Variants in GLCE observed in about 807,000 individuals in gnomAD.
GLCE encodes glucuronic acid epimerase.
Under a neutral mutation model 47.9 loss-of-function variants are expected in GLCE, and 19 were observed. The ratio of observed to expected loss-of-function variants is 0.40; its 90% CI spans 0.28 to 0.58. The LOEUF (loss-of-function observed/expected upper bound fraction) is 0.58. Among genes scored for constraint, GLCE ranks in the 20% least tolerant of loss-of-function variants. The pLI, the probability that GLCE is intolerant of heterozygous loss-of-function variation, is 0.48. For missense variants in GLCE, 556 were observed against 743.3 expected (o/e 0.75, Z 2.93); for synonymous variants, 245 against 263.4 (o/e 0.93, Z 0.68).
chr15:69,192,324 G>A (rs1392717838), intron 1 of GLCE, among the ~76,000 whole-genome samples: 2 of 151,572 alleles, frequency 1.3e-5, no homozygotes, highest in Non-Finnish European at 2.9e-5. Context: ...ACTTTCTTTT[G>A]TAGTGGCTAA....
At chr15:69,182,385 AAGAGAGAGAG>A (rs148023337) in intron 1 of GLCE, among the ~76,000 whole-genome samples, 1 of 144,118 alleles carries the variant, frequency 6.9e-6, no homozygotes. Context: ...ATTGCGCTGA[AAGAGAGAGAG>A]AGAGAGAGAG....
chr15:69,244,091 G>A (rs1240673806), intron 2 of GLCE, among the ~76,000 whole-genome samples: 2 of 152,152 alleles, frequency 1.3e-5, no homozygotes, highest in Non-Finnish European at 2.9e-5. Flanking sequence ...GCTTCAACGA[G>A]CTATACCAGA....
chr15:69,247,952 G>T (rs2052777362), intron 2 of GLCE, among the ~76,000 whole-genome samples: 1 of 152,116 alleles, frequency 6.6e-6, no homozygotes, highest in South Asian at 2.1e-4. Context: ...ATAATTATGA[G>T]AAAATATTAG....
chr15:69,161,940 G>C (rs1451163101), intron 1 of GLCE, among the ~76,000 whole-genome samples: 1 of 152,132 alleles, frequency 6.6e-6, no homozygotes, highest in Non-Finnish European at 1.5e-5. Context: ...CCTAGGTGGT[G>C]GTCTGCTTTG....
In GLCE at chr15:69,269,599, C is replaced by T. The variant is rs1285834464; in HGVS notation, c.*355C>T. The T allele has an allele frequency of 5.1e-6, 1 of 194,810 alleles. No individual in the cohort carries two copies. Among genetic ancestry groups the T allele is most frequent in the Non-Finnish European group, 1.0e-5 (1 of 95,834 alleles). The allele number at this position is 194,810 out of a possible 1,614,324, so 12.1% of individuals were successfully genotyped here. ...CAACTGTCTAGCACTTACCTGAAAA[C>T]TTAGTATGGAGCTCTTTTAAAATGT... On this transcript the variant is annotated 3_prime_UTR_variant, in exon 5 of 5. Coordinates refer to ENST00000261858, the MANE Select transcript of GLCE (RefSeq NM_015554.3).
In GLCE at chr15:69,256,371, A is replaced by C; in HGVS notation, c.565A>C (p.Lys189Gln). The C allele has an allele frequency of 6.2e-7, 1 of 1,610,374 alleles. No individual in the cohort carries two copies. Among genetic ancestry groups the C allele is most frequent in the Non-Finnish European group, 8.5e-7 (1 of 1,177,942 alleles). Residue 189 changes from lysine (K) to glutamine (Q), a missense_variant, in exon 3 of 5, where the codon AAG becomes CAG. By Grantham distance (53) the Lys-to-Gln change is moderately conservative. Coordinates refer to ENST00000261858, the MANE Select transcript of GLCE (RefSeq NM_015554.3). ...GYNVEVRDRV[K>Q]CISGVEGVPL... is the part of the protein sequence containing the mutation. Reference sequence around the variant, plus strand: ...CAATGTGGAAGTCCGAGACAGAGTCAAGTGCATAAGTGGGGTTGAAGGTTG... The same window carrying C: ...CAATGTGGAAGTCCGAGACAGAGTCCAGTGCATAAGTGGGGTTGAAGGTTG...
intron 1 of GLCE, among the ~76,000 whole-genome samples, chr15:69,192,586 T>C (rs1484313749): frequency 1.3e-5 from 2 of 152,138 alleles, no homozygotes; most frequent in African/African-American, 2.4e-5. Context: ...TCTTGATAGG[T>C]CTAATAGTTT....
chr15:69,183,502 T>A (rs1014564456), intron 1 of GLCE, among the ~76,000 whole-genome samples: 1 of 152,224 alleles, frequency 6.6e-6, no homozygotes, highest in African/African-American at 2.4e-5. Flanking sequence ...GGCTCTAGAC[T>A]GATACCAGGT....
intron 2 of GLCE, among the ~76,000 whole-genome samples, chr15:69,253,074 T>G (rs2052869104): frequency 6.6e-6 from 1 of 152,166 alleles, no homozygotes; most frequent in African/African-American, 2.4e-5. Flanking sequence ...AGGATGATAG[T>G]TGAACAGATT....
rs555696576 is a variant in GLCE, at chr15:69,220,518, C to T, written c.-14+10112C>T. On this transcript the variant is annotated intron_variant, in intron 2 of 4. Transcript: ENST00000261858. ...TCTCATTGTAGTTTTGATTTGTGTT[C>T]GTTAATGATTTATGATGTTGAGCAT... 5.9e-5 allele frequency among the ~76,000 whole-genome samples: 9 copies of T among 152,000 alleles called. No homozygotes were observed. The South Asian group carries it at 6.2e-4, about 11-fold the overall frequency.
At chr15:69,246,487 G>C (rs146993831) in intron 2 of GLCE, among the ~76,000 whole-genome samples, 307 of 152,246 alleles carry the variant, frequency 2.0e-3, no homozygotes, top group African/African-American at 7.0e-3. Context: ...GGAGGCTGAG[G>C]TGGGTGGATC....
At position 69,268,828 on chromosome 15, in the gene GLCE, C is replaced by G. The variant is rs762437780; in HGVS notation, c.1438C>G (p.Leu480Val). The change falls in exon 5 of 5, where the codon CTA becomes GTA. Residue 480 changes from leucine (L) to valine (V), a missense_variant. Transcript: ENST00000261858. Reference protein sequence around the residue: ...ALRATAPYKFLSEQHGVKAVF... With the variant: ...ALRATAPYKFVSEQHGVKAVF... ...AAGGGCAACAGCCCCTTATAAGTTT[C>G]TATCTGAGCAGCATGGAGTTAAAGC... 5 of 1,614,092 alleles carry G rather than the reference C, an allele frequency of 3.1e-6. No homozygotes were observed. Among genetic ancestry groups the G allele is most frequent in the Non-Finnish European group, 4.2e-6 (5 of 1,180,034 alleles).
intron 2 of GLCE, among the ~76,000 whole-genome samples, chr15:69,221,886 T>C (rs929648557): frequency 7.6e-6 from 1 of 132,200 alleles, no homozygotes; most frequent in Non-Finnish European, 1.6e-5. Flanking sequence ...AAAAAAAAAA[T>C]ATGCCCTGGC....
At chr15:69,221,551 A>G (rs949872267) in intron 2 of GLCE, among the ~76,000 whole-genome samples, 2 of 136,816 alleles carry the variant, frequency 1.5e-5, no homozygotes, top group East Asian at 4.3e-4. Context: ...CATTGTTATT[A>G]TATAGAAATT....
intron 1 of GLCE, among the ~76,000 whole-genome samples, chr15:69,203,986 TAGAA>T (rs1182828446): frequency 6.6e-6 from 1 of 152,088 alleles, no homozygotes; most frequent in African/African-American, 2.4e-5. Context: ...AATAACATGA[TAGAA>T]AGTGTTCAGA....
At chr15:69,240,233 G>T (rs199777176) in intron 2 of GLCE, among the ~76,000 whole-genome samples, 104,394 of 147,190 alleles carry the variant, frequency 0.71, 37,437 homozygotes, top group Admixed American at 0.79. Context: ...TCAAACCGCC[G>T]AGATCCCGCC....
intron 1 of GLCE, among the ~76,000 whole-genome samples, chr15:69,178,239 A>G (rs768745147): frequency 6.6e-5 from 10 of 152,232 alleles, no homozygotes; most frequent in Non-Finnish European, 1.0e-4. Flanking sequence ...TCAAAAATCC[A>G]ACAGAAAAAT....
At chr15:69,202,080 T>C (rs2052083507) in intron 1 of GLCE, among the ~76,000 whole-genome samples, 1 of 151,990 alleles carries the variant, frequency 6.6e-6, no homozygotes, top group African/African-American at 2.4e-5. Context: ...GTACCACATC[T>C]GGCTATTTTT....
At chr15:69,259,048 G>A (rs1033940393) in intron 3 of GLCE, among the ~76,000 whole-genome samples, 1 of 152,132 alleles carries the variant, frequency 6.6e-6, no homozygotes, top group Non-Finnish European at 1.5e-5. Context: ...TGAGGGTGCC[G>A]TTTTCACCCA....
Sources: allele counts gnomAD v4.1 joint callset (sites outside exome capture counted in the v4.1 genomes callset), GRCh38; gene constraint gnomAD v4.1.1; transcripts MANE v1.5; gene names NCBI Gene and HGNC (gene_info 2026-07-23, HGNC 2026-07-21).